Variants in MAGED1 observed in about 807,000 individuals in gnomAD.
The protein encoded by MAGED1 is melanoma-associated antigen D1.
MAGED1 carries 3 observed loss-of-function variants against 54.1 expected under a neutral mutation model. That is an observed-to-expected ratio of 0.06 (90% CI 0.03 to 0.14). The LOEUF is 0.14. MAGED1 is among the 10% of genes least tolerant of loss of function. MAGED1 has a pLI of 1.00. For missense variants in MAGED1, 485 were observed against 623.4 expected (o/e 0.78, Z 2.36); for synonymous variants, 217 against 227.3 (o/e 0.95, Z 0.41).
At chrX:51,876,224 GTCTT>G (rs1370557853) in intron 1 of MAGED1, among the ~76,000 whole-genome samples, 3 of 110,504 alleles carry the variant, frequency 2.7e-5, no homozygotes, top group East Asian at 5.7e-4. Flanking sequence ...ATCATGGATG[GTCTT>G]TCTTTCTTTT....
chrX:51,870,221 T>G (rs1215304052), intron 1 of MAGED1, among the ~76,000 whole-genome samples: 5 of 112,099 alleles, frequency 4.5e-5, no homozygotes, highest in African/African-American at 1.6e-4. Flanking sequence ...TTTTGTATTC[T>G]ATAATTTACT....
intron 1 of MAGED1, among the ~76,000 whole-genome samples, chrX:51,836,029 C>T (rs1182361389): frequency 3.1e-4 from 34 of 111,203 alleles, no homozygotes; most frequent in African/African-American, 1.0e-3. Flanking sequence ...TATTTTTAAG[C>T]TCAGATATTA....
At chrX:51,821,349 G>A (rs782491667) in intron 1 of MAGED1, among the ~76,000 whole-genome samples, 5 of 110,775 alleles carry the variant, frequency 4.5e-5, no homozygotes, top group African/African-American at 9.8e-5. Flanking sequence ...TGTCTTTTTC[G>A]TGATTTTAGA....
chrX:51,805,696 T>G (rs1334695121), intron 1 of MAGED1, among the ~76,000 whole-genome samples: 1 of 108,367 alleles, frequency 9.2e-6, no homozygotes, highest in Non-Finnish European at 1.9e-5. Context: ...AATGAAAACT[T>G]TTATATTCTG....
chrX:51,877,012 C>T (rs782719646), intron 1 of MAGED1, among the ~76,000 whole-genome samples: 1 of 110,491 alleles, frequency 9.1e-6, no homozygotes, highest in South Asian at 3.8e-4. Flanking sequence ...TCTAAATATA[C>T]GTTTCTGAAT....
chrX:51,898,047 G>A, intron 7 of MAGED1, 67 bp from the exon 8 acceptor site: 1 of 1,034,420 alleles, frequency 9.7e-7, no homozygotes, highest in South Asian at 2.0e-5. Flanking sequence ...GAGGCTAGAT[G>A]GGCAAGCTGG....
At chrX:51,861,377 G>T (rs900737264) in intron 1 of MAGED1, among the ~76,000 whole-genome samples, 1 of 111,564 alleles carries the variant, frequency 9.0e-6, no homozygotes, top group Non-Finnish European at 1.9e-5. Context: ...ATGCAAATTA[G>T]CCAACTTTGA....
At chrX:51,809,899 T>C (rs1186691518) in intron 1 of MAGED1, among the ~76,000 whole-genome samples, 5 of 112,035 alleles carry the variant, frequency 4.5e-5, no homozygotes, top group Non-Finnish European at 9.4e-5. Context: ...GAAGACTTTT[T>C]CCTTATCAGC....
At chrX:51,817,189 C>G (rs1430157029) in intron 1 of MAGED1, among the ~76,000 whole-genome samples, 1 of 111,482 alleles carries the variant, frequency 9.0e-6, no homozygotes, top group Non-Finnish European at 1.9e-5. Context: ...AGGACTATAC[C>G]CCCAGTTAAA....
intron 1 of MAGED1, among the ~76,000 whole-genome samples, chrX:51,887,846 G>GA (rs1206859301): frequency 5.1e-4 from 51 of 99,639 alleles, no homozygotes; most frequent in East Asian, 1.9e-3. Flanking sequence ...TCCATAAAAG[G>GA]AAAAAAAAAA....
chrX:51,841,440 T>C (rs1390851689), intron 1 of MAGED1, among the ~76,000 whole-genome samples: 5 of 110,452 alleles, frequency 4.5e-5, no homozygotes, highest in African/African-American at 1.6e-4. Flanking sequence ...TTTAGTTTAA[T>C]TAGATCCCAT....
chrX:51,874,798 T>G (rs1254848874), intron 1 of MAGED1, among the ~76,000 whole-genome samples: 1 of 110,508 alleles, frequency 9.0e-6, no homozygotes, highest in Non-Finnish European at 1.9e-5. Flanking sequence ...TCAAGATGGG[T>G]CCTATTTTTC....
At chrX:51,807,199 C>T (rs1231207514) in intron 1 of MAGED1, among the ~76,000 whole-genome samples, 2 of 111,773 alleles carry the variant, frequency 1.8e-5, no homozygotes, top group Non-Finnish European at 3.8e-5. Context: ...TTTCGCATTT[C>T]TCTGATGATG....
At chrX:51,897,495 G>A in intron 5 of MAGED1, 52 bp from the exon 6 acceptor site, 9 of 1,019,744 alleles carry the variant, frequency 8.8e-6, no homozygotes, top group Non-Finnish European at 1.2e-5. Context: ...CAAAGGGACT[G>A]CTGCTCTGTG....
At chrX:51,882,680 C>A (rs1241766291) in intron 1 of MAGED1, among the ~76,000 whole-genome samples, 1 of 109,083 alleles carries the variant, frequency 9.2e-6, no homozygotes, top group African/African-American at 3.3e-5. Flanking sequence ...CTTAGTAAGG[C>A]AATTATTTTT....
intron 1 of MAGED1, among the ~76,000 whole-genome samples, chrX:51,832,861 GA>G (rs1180884544): frequency 9.0e-6 from 1 of 111,331 alleles, no homozygotes; most frequent in Admixed American, 9.6e-5. Flanking sequence ...TATAGCACTG[GA>G]AGATAGGTTC....
intron 1 of MAGED1, among the ~76,000 whole-genome samples, chrX:51,865,263 A>G (rs1231919710): frequency 8.9e-6 from 1 of 112,165 alleles, no homozygotes; most frequent in African/African-American, 3.2e-5. Flanking sequence ...ATATCTTAGA[A>G]TGTAAGCTCC....
intron 1 of MAGED1, among the ~76,000 whole-genome samples, chrX:51,873,379 T>C (rs1927754453): frequency 9.0e-6 from 1 of 111,202 alleles, no homozygotes; most frequent in Non-Finnish European, 1.9e-5. Flanking sequence ...AGCCAAACCA[T>C]ATCAGCAGGA....
chrX:51,831,761 A>G (rs1298518009), intron 1 of MAGED1, among the ~76,000 whole-genome samples: 1 of 111,893 alleles, frequency 8.9e-6, no homozygotes, highest in Non-Finnish European at 1.9e-5. Flanking sequence ...CAGAGTTTCC[A>G]AAAGATAAAT....
Sources: allele counts gnomAD v4.1 joint callset (sites outside exome capture counted in the v4.1 genomes callset), GRCh38; gene constraint gnomAD v4.1.1; transcripts MANE v1.5; gene names NCBI Gene and HGNC (gene_info 2026-07-23, HGNC 2026-07-21).